The following WDR47 variants were observed in gnomAD, a reference collection of about 807,000 sequenced individuals.
WDR47 encodes the protein WD repeat domain 47.
In WDR47, 32 loss-of-function variants were observed where a neutral mutation model predicts 97.2. The observed-to-expected ratio is 0.33, with a 90% confidence interval of 0.25 to 0.44. The LOEUF is 0.44. WDR47 is among the 20% of genes least tolerant of loss of function. WDR47 has a pLI of 1.00. For missense variants in WDR47, 782 were observed against 1,102.3 expected (o/e 0.71, Z 4.11); for synonymous variants, 375 against 373.5 (o/e 1.00, Z -0.05).
rs766280090 is a variant in WDR47 at position 109,002,354 on chromosome 1, G to A, written c.1303C>T (p.Arg435Cys). Residue 435 changes from arginine to cysteine, a missense_variant, in exon 7 of 15, where the codon CGC becomes TGC. By Grantham distance (180) the Arg-to-Cys change is radical. Transcript: ENST00000369962. ...TTCTGTTCTAAATGCTGTTGATAGC[G>A]TAATCTTTGCCTATAATATTCTTGA... ...QFQEYYRQRL[R>C]YQQHLEQKEQ... The A allele has an allele frequency of 5.0e-6, 8 of 1,610,780 alleles. No individual in the cohort carries two copies. Among genetic ancestry groups the A allele is most frequent in the Non-Finnish European group, 5.1e-6 (6 of 1,179,338 alleles).
intron 1 of WDR47, among the ~76,000 whole-genome samples, chr1:109,029,068 T>G (rs1320900645): frequency 6.6e-6 from 1 of 152,212 alleles, no homozygotes; most frequent in Non-Finnish European, 1.5e-5. Flanking sequence ...AGTATTTTAG[T>G]CCTTAGATAC....
At chr1:109,025,570 C>T (rs1237826251) in intron 1 of WDR47, among the ~76,000 whole-genome samples, 2 of 151,892 alleles carry the variant, frequency 1.3e-5, no homozygotes, top group Non-Finnish European at 2.9e-5. Flanking sequence ...CCCACCTCTA[C>T]TAAAAATACA....
intron 2 of WDR47, 95 bp from the exon 3 acceptor site, chr1:109,017,696 A>G: frequency 1.1e-6 from 1 of 921,846 alleles, no homozygotes; most frequent in South Asian, 1.5e-5. Flanking sequence ...CAAACTTCAT[A>G]AAGCACACAA....
At position 109,011,336 on chromosome 1, in the gene WDR47, C is replaced by T. The variant is rs201047851; in HGVS notation, c.710G>A (p.Cys237Tyr). The change falls in exon 5 of 15, where the codon TGT becomes TAT. Residue 237 changes from cysteine (C) to tyrosine (Y), a missense_variant. Physicochemically the swap from Cys to Tyr is radical, Grantham distance 194. This residue lies in a region of WDR47 where 428 missense variants were observed against 584.3 expected (regional missense o/e 0.73). Transcript: ENST00000369962. ...LGIDLLCGNG[C>Y]DDLDLSLLSW... ...CAGTAAACTCAGATCCAAATCATCACAACCATTACCACATAAGAGGTCGAT... is the reference window on the plus strand; with the variant it reads ...CAGTAAACTCAGATCCAAATCATCATAACCATTACCACATAAGAGGTCGAT... The T allele has an allele frequency of 8.7e-6, 14 of 1,614,220 alleles. No homozygotes were observed. The highest frequency in any genetic ancestry group is 2.7e-5 in the African/African-American group (2 of 75,068).
intron 7 of WDR47, among the ~76,000 whole-genome samples, chr1:108,996,839 C>G (rs1357521440): frequency 1.3e-5 from 2 of 152,166 alleles, no homozygotes; most frequent in Non-Finnish European, 2.9e-5. Context: ...ACTCATGGGC[C>G]AGGTGCGGTG....
At chr1:109,026,735 G>A (rs1011131551) in intron 1 of WDR47, among the ~76,000 whole-genome samples, 2 of 152,188 alleles carry the variant, frequency 1.3e-5, no homozygotes, top group African/African-American at 4.8e-5. Context: ...ACTAAACATT[G>A]TATAGGCTTC....
intron 8 of WDR47, among the ~76,000 whole-genome samples, chr1:108,993,112 A>G (rs1659484726): frequency 6.6e-6 from 1 of 152,112 alleles, no homozygotes; most frequent in South Asian, 2.1e-4. Context: ...AAGAATGAGG[A>G]ATCAACCAGC....
intron 8 of WDR47, 57 bp from the exon 9 acceptor site, chr1:108,991,386 T>C: frequency 6.7e-7 from 1 of 1,491,752 alleles, no homozygotes; most frequent in Non-Finnish European, 9.3e-7. Flanking sequence ...AGAAACTAAA[T>C]TAATTTACCC....
rs1431255717 is a variant in WDR47, at chr1:108,983,299, T to G, written c.2078A>C (p.Glu693Ala). 1 of 1,609,356 alleles carries G rather than the reference T, an allele frequency of 6.2e-7. No homozygotes were observed. Among genetic ancestry groups the G allele is most frequent in the African/African-American group, 1.3e-5 (1 of 74,664 alleles). The change falls in exon 11 of 15, where the codon GAG becomes GCG. Residue 693 changes from glutamate to alanine, a missense_variant. This residue lies in a region of WDR47 where 228 missense variants were observed against 396.7 expected (regional missense o/e 0.57). Coordinates refer to ENST00000369962, the MANE Select transcript of WDR47 (RefSeq NM_001142551.2). ...GGCCCTACCTGTTGCGTTACAAGTC[T>G]CTGCATTGAAGGGCAGCACTTTGAC... is the stretch of plus-strand genomic sequence containing the variant. Reference protein sequence around the residue: ...KYVKVLPFNAETCNATGPDLE... With the variant: ...KYVKVLPFNAATCNATGPDLE...
intron 2 of WDR47, 121 bp downstream of exon 2, chr1:109,023,234 A>C (rs1027800471): frequency 1.1e-6 from 1 of 941,582 alleles, no homozygotes; most frequent in Non-Finnish European, 1.4e-6. Flanking sequence ...TATTTTTTAA[A>C]ATTATACTTA....
chr1:108,977,732 G>A (rs115766781), intron 13 of WDR47, among the ~76,000 whole-genome samples: 10,274 of 152,116 alleles, frequency 0.068, 473 homozygotes, highest in Middle Eastern at 0.13. Flanking sequence ...CCTGGCTGAG[G>A]CATGAAAATC....
intron 2 of WDR47, among the ~76,000 whole-genome samples, chr1:109,022,499 GA>G (rs1661915242): frequency 6.6e-6 from 1 of 152,196 alleles, no homozygotes; most frequent in African/African-American, 2.4e-5. Context: ...ACAATGGAGT[GA>G]TGACTCTTGT....
intron 12 of WDR47, 56 bp from the exon 13 acceptor site, chr1:108,981,920 A>G (rs1658374234): frequency 1.7e-5 from 27 of 1,565,780 alleles, no homozygotes; most frequent in Non-Finnish European, 2.3e-5. Context: ...TCCATAACAT[A>G]TTCAAAGCTA....
chr1:109,041,134 C>T (rs1663327586), intron 1 of WDR47, among the ~76,000 whole-genome samples: 1 of 151,934 alleles, frequency 6.6e-6, no homozygotes, highest in South Asian at 2.1e-4. Flanking sequence ...GCCCCCCGCC[C>T]CCGCCCCCTT....
chr1:109,040,333 ATAAC>A (rs1035339045), intron 1 of WDR47, among the ~76,000 whole-genome samples: 22 of 152,294 alleles, frequency 1.4e-4, no homozygotes, highest in African/African-American at 4.6e-4. Context: ...CGCCCATTAA[ATAAC>A]TAATATATTC....
chr1:109,014,907 T>G (rs903875510), intron 3 of WDR47, among the ~76,000 whole-genome samples: 1 of 152,188 alleles, frequency 6.6e-6, no homozygotes, highest in Non-Finnish European at 1.5e-5. Context: ...CAGCCACTGT[T>G]GTAGTAGCAA....
intron 13 of WDR47, among the ~76,000 whole-genome samples, chr1:108,981,135 A>G (rs55733754): frequency 0.034 from 5,178 of 152,108 alleles, 115 homozygotes; most frequent in Admixed American, 0.055. Flanking sequence ...CTCAAAAAAA[A>G]AAAAAACCAA....
chr1:109,025,390 C>G (rs1199131671), intron 1 of WDR47, among the ~76,000 whole-genome samples: 1 of 148,512 alleles, frequency 6.7e-6, no homozygotes, highest in Admixed American at 6.9e-5. Flanking sequence ...GTGATCATAC[C>G]ACTGCACTCC....
At chr1:109,001,194 C>T (rs1202893297) in intron 7 of WDR47, among the ~76,000 whole-genome samples, 1 of 152,004 alleles carries the variant, frequency 6.6e-6, no homozygotes, top group East Asian at 1.9e-4. Context: ...GAAGCTGAGG[C>T]AGGAGAATTG....
Sources: gnomAD v4.1 joint callset for allele counts (sites outside exome capture counted in the v4.1 genomes callset) on GRCh38, gnomAD v4.1.1 for gene constraint, gnomAD v4.1.1 regional missense constraint, MANE v1.5 for transcripts, NCBI Gene and HGNC (gene_info 2026-07-23, HGNC 2026-07-21) for gene names.